Variants in PARP11 observed in about 807,000 individuals in gnomAD.
PARP11 encodes poly(ADP-ribose) polymerase family member 11.
In PARP11, 31 loss-of-function variants were observed where a neutral mutation model predicts 42.9. The ratio of observed to expected loss-of-function variants is 0.72; its 90% CI spans 0.54 to 0.98. The LOEUF is 0.98. Among genes scored for constraint, PARP11 ranks in the 50% least tolerant of loss-of-function variants. PARP11 has a pLI of 0.00. For synonymous variants in PARP11, 137 were observed against 127.3 expected, an observed-to-expected ratio of 1.08 and a Z score of -0.51; for missense variants, 365 against 413.1, an observed-to-expected ratio of 0.88 and a Z score of 1.01.
At chr12:3,869,704 C>T (rs947049890) in intron 1 of PARP11, among the ~76,000 whole-genome samples, 4 of 152,214 alleles carry the variant, frequency 2.6e-5, no homozygotes, top group Admixed American at 2.6e-4. Context: ...TATTAGCTCC[C>T]CCTACACTGT....
intron 4 of PARP11, among the ~76,000 whole-genome samples, chr12:3,823,780 G>A (rs1412616935): frequency 1.3e-5 from 2 of 151,974 alleles, no homozygotes; most frequent in Non-Finnish European, 2.9e-5. Context: ...GCCAGGCATG[G>A]TGGCGTGCGG....
chr12:3,823,323 C>T (rs1947442866), intron 4 of PARP11, among the ~76,000 whole-genome samples: 1 of 152,104 alleles, frequency 6.6e-6, no homozygotes, highest in Non-Finnish European at 1.5e-5. Flanking sequence ...GGTATTCTTC[C>T]AGAGCTTCTT....
At chr12:3,825,481 C>T (rs7966321) in intron 4 of PARP11, among the ~76,000 whole-genome samples, 3,697 of 152,202 alleles carry the variant, frequency 0.024, 150 homozygotes, top group African/African-American at 0.083. Flanking sequence ...CTAATTCTTA[C>T]GGCCCCAGTA....
At chr12:3,833,892 C>T (rs1162515038) in intron 1 of PARP11, among the ~76,000 whole-genome samples, 1 of 152,160 alleles carries the variant, frequency 6.6e-6, no homozygotes, top group East Asian at 1.9e-4. Flanking sequence ...GCTAGTTTTA[C>T]CCCGGGAAGG....
chr12:3,812,246 A>C lies in PARP11; in HGVS notation c.894T>G (p.Pro298=). 6.2e-7 allele frequency: 1 copy of C among 1,614,196 alleles called. No individual in the cohort carries two copies. Among genetic ancestry groups the C allele is most frequent in the Non-Finnish European group, 8.5e-7 (1 of 1,180,018 alleles). ...INGDSKYMRP[P]SKDGSYVNLY... is the part of the protein sequence containing the mutation. ...AATTCACATAGCTCCCGTCTTTGGA[A>C]GGAGGTCGCATGTATTTGGAGTCTC... The change falls in exon 8 of 8, where the codon CCT becomes CCG. Residue 298 remains proline, a synonymous_variant. Coordinates refer to ENST00000228820, the MANE Select transcript of PARP11 (RefSeq NM_020367.6).
rs1947164484 is a variant in PARP11, at chr12:3,810,850, AGAG to A, written c.*1270_*1272del. ...AGAAAGAGGAGAGAAGAGAAGGAGG[AGAG>A]AAGAGGAGAAAAGGAAGAAAATCAA... On this transcript the variant is annotated 3_prime_UTR_variant, in exon 8 of 8. Coordinates refer to ENST00000228820, the MANE Select transcript of PARP11 (RefSeq NM_020367.6). The A allele has an allele frequency of 6.6e-6, 1 of 151,864 alleles. No homozygotes were observed. Among genetic ancestry groups the A allele is most frequent in the Non-Finnish European group, 1.5e-5 (1 of 68,054 alleles). 9.4% of individuals were successfully genotyped at this position (151,864 alleles called of 1,614,324 possible).
Position 3,810,491 on chromosome 12 carries a change from G to A in PARP11, c.*1632C>T, listed in dbSNP as rs180822067. ...TGTAGTCCCAGTAACTGGAGAAGCT[G>A]AGGCAAGAGAATTGCTTGAACCCGG... On this transcript the variant is annotated 3_prime_UTR_variant, in exon 8 of 8. Coordinates refer to ENST00000228820, the MANE Select transcript of PARP11 (RefSeq NM_020367.6). 1.3e-5 allele frequency: 2 copies of A among 152,742 alleles called. No homozygotes were observed. The highest frequency in any genetic ancestry group is 3.9e-4 in the East Asian group (2 of 5,178). The allele number at this position is 152,742 out of a possible 1,614,324, so 9.5% of individuals were successfully genotyped here. A position where few individuals can be genotyped will look rare whatever the true frequency, so the allele number is the denominator to read the frequency against.
intron 6 of PARP11, among the ~76,000 whole-genome samples, chr12:3,819,361 G>A (rs1412013306): frequency 2.0e-5 from 3 of 152,128 alleles, no homozygotes; most frequent in Admixed American, 2.0e-4. Flanking sequence ...GCTATGAACT[G>A]GGATTTCAAT....
intron 6 of PARP11, among the ~76,000 whole-genome samples, chr12:3,816,997 C>G (rs1399416967): frequency 3.9e-5 from 6 of 152,056 alleles, no homozygotes; most frequent in Non-Finnish European, 7.4e-5. Flanking sequence ...CCAGACCATC[C>G]TAGCTAACAT....
At chr12:3,815,611 C>G (rs377702641) in intron 6 of PARP11, among the ~76,000 whole-genome samples, 1 of 152,274 alleles carries the variant, frequency 6.6e-6, no homozygotes, top group African/African-American at 2.4e-5. Context: ...TAGCAACAGT[C>G]CAGATATCAT....
At chr12:3,832,642 C>T (rs960785970) in intron 1 of PARP11, among the ~76,000 whole-genome samples, 14 of 152,110 alleles carry the variant, frequency 9.2e-5, no homozygotes, top group African/African-American at 3.4e-4. Context: ...CATAATTATG[C>T]TCAAAGAGTT....
intron 4 of PARP11, among the ~76,000 whole-genome samples, chr12:3,823,401 G>GT (rs1246519879): frequency 1.3e-5 from 2 of 151,968 alleles, no homozygotes; most frequent in Non-Finnish European, 2.9e-5. Context: ...TATTGCACCT[G>GT]TTTTTTTGGT....
Position 3,840,444 on chromosome 12 carries a change from G to A in PARP11, c.19-10426C>T. On this transcript the variant is annotated intron_variant, in intron 1 of 7. Coordinates refer to ENST00000228820, the MANE Select transcript of PARP11 (RefSeq NM_020367.6). The surrounding 1 kb of genome is among the most constrained non-coding windows in gnomAD (Gnocchi z 4.4). The stretch of plus-strand genomic sequence containing the variant: ...CATTAGCACTACCTCCTCGACTGCA[G>A]CATCCTTCAGGAGTAAGACAACGTG... 6.2e-7 allele frequency: 1 copy of A among 1,613,374 alleles called. No homozygotes were observed.
rs3759359 is a variant in PARP11 at position 3,831,329 on chromosome 12, A to C, written c.19-1311T>G. 1.8e-4 allele frequency among the ~76,000 whole-genome samples: 27 copies of C among 152,268 alleles called. No individual in the cohort carries two copies. In the East Asian group the frequency reaches 5.2e-3, roughly 29 times the overall value. ...TAGAGTTATTGATGATTTGTTAAAA[A>C]TTTGATTTCCTGTATCATTGATTTT... On this transcript the variant is annotated intron_variant, in intron 1 of 7. Transcript: ENST00000228820.
At chr12:3,864,164 C>T (rs1948350614) in intron 1 of PARP11, among the ~76,000 whole-genome samples, 1 of 152,186 alleles carries the variant, frequency 6.6e-6, no homozygotes, top group African/African-American at 2.4e-5. Flanking sequence ...TCGATTTTGT[C>T]AAAGGCTTTT....
At chr12:3,853,547 C>T (rs1270274826) in intron 1 of PARP11, among the ~76,000 whole-genome samples, 1 of 152,190 alleles carries the variant, frequency 6.6e-6, no homozygotes, top group Non-Finnish European at 1.5e-5. Flanking sequence ...ATGGCCATTA[C>T]ATAATGGTAA....
In PARP11 at chr12:3,826,202, C is replaced by A; in HGVS notation, c.300G>T (p.Lys100Asn). ...EMKQMNLTTG[K>N]QRLIKRAPFS... Reference sequence around the variant, plus strand: ...AGGGGGCTCTTTTTATTAAGCGCTGCTTTCCAGTGGTGAGATTCATTTGCT... The same window carrying A: ...AGGGGGCTCTTTTTATTAAGCGCTGATTTCCAGTGGTGAGATTCATTTGCT... Residue 100 changes from lysine to asparagine, a missense_variant, in exon 4 of 8, where the codon AAG becomes AAT. Transcript: ENST00000228820. 1.9e-6 allele frequency: 3 copies of A among 1,600,394 alleles called. No homozygotes were observed. Among genetic ancestry groups the A allele is most frequent in the Non-Finnish European group, 2.6e-6 (3 of 1,175,856 alleles).
chr12:3,829,561 C>T (rs1193850203), intron 2 of PARP11, among the ~76,000 whole-genome samples: 1 of 152,170 alleles, frequency 6.6e-6, no homozygotes, highest in East Asian at 1.9e-4. Context: ...TAACATAATA[C>T]CTGGCATACA....
At chr12:3,855,282 G>A (rs1565548795) in intron 1 of PARP11, among the ~76,000 whole-genome samples, 1 of 152,162 alleles carries the variant, frequency 6.6e-6, no homozygotes, top group Non-Finnish European at 1.5e-5. Context: ...GTTCTGGCCA[G>A]GGCAATCAGG....
Sources: gnomAD v4.1 joint callset for allele counts (sites outside exome capture counted in the v4.1 genomes callset) on GRCh38, gnomAD v4.1.1 for gene constraint, Gnocchi (gnomAD v3.1) non-coding constraint, MANE v1.5 for transcripts, NCBI Gene and HGNC (gene_info 2026-07-23, HGNC 2026-07-21) for gene names.